MIER1: variants seen among roughly 807,000 people sequenced by gnomAD.
MIER1 encodes mesoderm induction early response protein 1.
In MIER1, 40 loss-of-function variants were observed where a neutral mutation model predicts 75.7. That is an observed-to-expected ratio of 0.53 (90% confidence interval 0.41 to 0.69). The LOEUF (loss-of-function observed/expected upper bound fraction) is 0.69, where lower values mean the gene tolerates loss of function less well. MIER1 is among the 30% of genes least tolerant of loss of function. The probability of loss-of-function intolerance (pLI) is 0.00; values close to 1 mark genes in which losing one functional copy is unlikely to be tolerated. For synonymous variants in MIER1, 213 were observed against 223.4 expected, an observed-to-expected ratio of 0.95 and a Z score of 0.42; for missense variants, 574 against 680.2, an observed-to-expected ratio of 0.84 and a Z score of 1.74.
intron 5 of MIER1, among the ~76,000 whole-genome samples, 178 bp from the exon 6 acceptor site, chr1:66,958,673 C>G (rs1298343241): frequency 6.6e-6 from 1 of 151,448 alleles, no homozygotes; most frequent in East Asian, 1.9e-4. Flanking sequence ...TTGAATTATA[C>G]CAGTTTTTCT....
Position 66,959,699 on chromosome 1 carries a change from T to C in MIER1, c.655T>C (p.Ser219Pro). 6.9e-7 allele frequency: 1 copy of C among 1,441,432 alleles called. No individual in the cohort carries two copies. Among genetic ancestry groups the C allele is most frequent in the Non-Finnish European group, 9.3e-7 (1 of 1,073,014 alleles). 89.3% of individuals were successfully genotyped at this position (1,441,432 alleles called of 1,614,324 possible). The change falls in exon 7 of 14, where the codon TCT becomes CCT. Residue 219 changes from serine (S) to proline (P), a missense_variant. By Grantham distance (74) the Ser-to-Pro change is moderately conservative. Transcript: ENST00000401041. The part of the protein sequence containing the change: ...FDTNSEVEEE[S>P]EEDEDYIPSE... Reference sequence around the variant, plus strand: ...TCTAGATAGTGAAGTAGAAGAAGAATCTGAAGAAGATGAAGATTATATTCC... The same window carrying C: ...TCTAGATAGTGAAGTAGAAGAAGAACCTGAAGAAGATGAAGATTATATTCC...
chr1:66,948,294 C>T (rs769889253), intron 4 of MIER1: 81 of 861,292 alleles, frequency 9.4e-5, no homozygotes, highest in Non-Finnish European at 1.0e-4. Flanking sequence ...GACATAGTGC[C>T]AGTCTTTAAG....
rs1350553850 is a variant in MIER1 at position 66,925,059 on chromosome 1, A to G, written c.31A>G (p.Ser11Gly). 4 of 1,549,032 alleles carry G rather than the reference A, an allele frequency of 2.6e-6. No individual in the cohort carries two copies. Among genetic ancestry groups the G allele is most frequent in the South Asian group, 2.4e-5 (2 of 84,054 alleles). ...TGGGGCTTCTTCAGGCGGTGGCGGC[A>G]GCAGCGAAGGTGGCGGCGGCAGCAG... MDGASSGGGG[S>G]SEGGGGSSGS... The change falls in exon 1 of 14, where the codon AGC (serine) becomes GGC (glycine). Residue 11 changes from serine (S) to glycine (G), a missense_variant. This residue lies in a region of MIER1 where 309 missense variants were observed against 352.8 expected (regional missense o/e 0.88). Transcript: ENST00000401041.
chr1:66,985,206 C>A lies in MIER1; in HGVS notation c.*306C>A, dbSNP rs557831984. 1.9e-4 allele frequency: 183 copies of A among 975,150 alleles called. No individual in the cohort carries two copies. Among genetic ancestry groups the A allele is most frequent in the Non-Finnish European group, 2.1e-4 (175 of 814,362 alleles). The allele number at this position is 975,150 out of a possible 1,614,324, so 60.4% of individuals were successfully genotyped here. ...ACTAATTTTGGTAAATCTGAATGAA[C>A]TAAAGATGTATCTGTACCTTCTCAT... On this transcript the variant is annotated 3_prime_UTR_variant, in exon 14 of 14. Coordinates refer to ENST00000401041, the MANE Select transcript of MIER1 (RefSeq NM_001077700.3).
intron 9 of MIER1, 40 bp from the exon 10 acceptor site, chr1:66,971,615 T>G (rs1479141326): frequency 9.7e-7 from 1 of 1,027,252 alleles, no homozygotes; most frequent in South Asian, 1.4e-5. Flanking sequence ...TTGAACTGTT[T>G]ATAGTCCTTG....
Position 66,984,800 on chromosome 1 carries a change from G to T in MIER1, c.1598G>T (p.Arg533Met). Residue 533 changes from arginine to methionine, a missense_variant, in exon 14 of 14, where the codon AGG becomes ATG. By Grantham distance (91) the Arg-to-Met change is moderately conservative. Transcript: ENST00000401041. ...AGTGAGAGACCTGCCAAAAGGCGAAGGGTAAACAGCAATGGAAAAGAAAGT... is the reference window on the plus strand; with the variant it reads ...AGTGAGAGACCTGCCAAAAGGCGAATGGTAAACAGCAATGGAAAAGAAAGT... ...EKSERPAKRRRVNSNGKESPG... is the reference protein window; with the variant it reads ...EKSERPAKRRMVNSNGKESPG... The T allele has an allele frequency of 6.2e-7, 1 of 1,613,968 alleles. No homozygotes were observed. Among genetic ancestry groups the T allele is most frequent in the Non-Finnish European group, 8.5e-7 (1 of 1,179,924 alleles).
chr1:66,939,227 T>G (rs2985822), intron 2 of MIER1, among the ~76,000 whole-genome samples: 120,989 of 152,058 alleles, frequency 0.8, 48,619 homozygotes, highest in African/African-American at 0.88. Context: ...GTTTGTAGAT[T>G]ATTTGTTTAT....
intron 13 of MIER1, 22 bp downstream of exon 13, chr1:66,981,940 T>C (rs1203503935): frequency 6.2e-7 from 1 of 1,611,494 alleles, no homozygotes; most frequent in South Asian, 1.1e-5. Flanking sequence ...GAGAAACATT[T>C]CTCTTTCTTC....
intron 4 of MIER1, among the ~76,000 whole-genome samples, chr1:66,956,700 T>C (rs1422187029): frequency 6.6e-6 from 1 of 152,234 alleles, no homozygotes. Flanking sequence ...TTGTAGCTTC[T>C]GCAAATCATT....
At position 66,971,520 on chromosome 1, in the gene MIER1, C is replaced by T. The variant is rs1365141880; in HGVS notation, c.925-135C>T. ...CATATTTGTTTTTCTTTGGAGTTCT[C>T]TATATATAACATTCACTAAAGTTAT... is the stretch of plus-strand genomic sequence containing the variant. On this transcript the variant is annotated intron_variant, in intron 9 of 13. Coordinates refer to ENST00000401041, the MANE Select transcript of MIER1 (RefSeq NM_001077700.3). The T allele has an allele frequency of 5.7e-6, 3 of 529,324 alleles. No homozygotes were observed. In the East Asian group the frequency reaches 1.0e-4, roughly 18 times the overall value. 32.8% of individuals were successfully genotyped at this position (529,324 alleles called of 1,614,324 possible). A position where few individuals can be genotyped will look rare whatever the true frequency, so the allele number is the denominator to read the frequency against.
intron 13 of MIER1, 108 bp from the exon 14 acceptor site, chr1:66,984,464 A>G: frequency 1.2e-6 from 1 of 804,228 alleles, no homozygotes; most frequent in Non-Finnish European, 2.0e-6. Flanking sequence ...TAGACTATGT[A>G]TTTGATACCT....
chr1:66,952,055 TAATA>T (rs1184437756), intron 4 of MIER1, among the ~76,000 whole-genome samples: 2 of 152,312 alleles, frequency 1.3e-5, no homozygotes, highest in African/African-American at 4.8e-5. Flanking sequence ...ATTTGGCACA[TAATA>T]AACACAAAAT....
chr1:66,968,718 A>G (rs1008237548), intron 8 of MIER1, among the ~76,000 whole-genome samples: 4 of 152,196 alleles, frequency 2.6e-5, no homozygotes, highest in African/African-American at 4.8e-5. Context: ...TTGGACTTGT[A>G]TCTGTTTTGA....
chr1:66,977,744 G>T (rs1019911530), intron 12 of MIER1, among the ~76,000 whole-genome samples: 7 of 151,998 alleles, frequency 4.6e-5, no homozygotes, highest in Non-Finnish European at 1.0e-4. Flanking sequence ...GTGATTAATT[G>T]TTATGATGGA....
intron 4 of MIER1, 163 bp downstream of exon 4, chr1:66,946,458 AG>A (rs1657665520): frequency 7.4e-7 from 1 of 1,356,406 alleles, no homozygotes; most frequent in Non-Finnish European, 9.5e-7. Context: ...TTGAAATGAA[AG>A]GATTTAAAAA....
intron 11 of MIER1, among the ~76,000 whole-genome samples, chr1:66,973,596 ATTAC>A (rs1424896801): frequency 1.3e-5 from 2 of 152,068 alleles, no homozygotes; most frequent in Non-Finnish European, 2.9e-5. Context: ...TAGCTTTATA[ATTAC>A]TTACAGATTT....
chr1:66,958,254 CT>C (rs1558069702), intron 5 of MIER1, 34 bp downstream of exon 5: 2 of 1,407,592 alleles, frequency 1.4e-6, no homozygotes, highest in South Asian at 3.3e-5. Flanking sequence ...AGATTGTAGT[CT>C]TTATTCTTGT....
chr1:66,971,416 A>G (rs1294427267), intron 9 of MIER1, among the ~76,000 whole-genome samples: 1 of 152,074 alleles, frequency 6.6e-6, no homozygotes, highest in Non-Finnish European at 1.5e-5. Context: ...TTTTAGTCCT[A>G]GGGATACTAT....
chr1:66,969,501 C>T (rs905523310), intron 8 of MIER1, among the ~76,000 whole-genome samples: 40 of 131,016 alleles, frequency 3.1e-4, no homozygotes, highest in Admixed American at 1.2e-3. Flanking sequence ...GCCAAGATCG[C>T]GCCACTGCAC....
Sources: allele counts gnomAD v4.1 joint callset (sites outside exome capture counted in the v4.1 genomes callset), GRCh38; gene constraint gnomAD v4.1.1; regional missense constraint gnomAD v4.1.1; transcripts MANE v1.5; gene names NCBI Gene and HGNC (gene_info 2026-07-23, HGNC 2026-07-21).